Variants in PCM1 observed in about 807,000 individuals in gnomAD.
The protein encoded by PCM1 is pericentriolar material 1.
A neutral mutation model predicts 241.9 loss-of-function variants in PCM1; 157 were observed. The ratio of observed to expected loss-of-function variants is 0.65; its 90% CI spans 0.57 to 0.74. PCM1 has a LOEUF of 0.74. PCM1 is among the 30% of genes least tolerant of loss of function. PCM1 has a pLI of 0.00. For missense variants in PCM1, 3,478 were observed against 2,360.1 expected (o/e 1.47, Z -9.81); for synonymous variants, 1,085 against 784.9 (o/e 1.38, Z -6.39).
chr8:17,995,688 A>G (rs934735746), intron 29 of PCM1, among the ~76,000 whole-genome samples: 3 of 151,830 alleles, frequency 2.0e-5, no homozygotes, highest in Non-Finnish European at 2.9e-5. Context: ...TGATTTTTCC[A>G]ATCCATGAAC....
chr8:17,993,009 T>C (rs2085328539), intron 28 of PCM1, among the ~76,000 whole-genome samples: 1 of 150,946 alleles, frequency 6.6e-6, no homozygotes, highest in African/African-American at 2.4e-5. Flanking sequence ...GTCAGATGCG[T>C]AGTTTACAAA....
chr8:18,014,119 A>C, intron 35 of PCM1, 83 bp downstream of exon 35: 1 of 784,300 alleles, frequency 1.3e-6, no homozygotes. Context: ...AAACACACAC[A>C]GAAAACACTA....
chr8:17,956,500 A>T, intron 10 of PCM1, 104 bp from the exon 11 acceptor site: 1 of 678,460 alleles, frequency 1.5e-6, no homozygotes, highest in South Asian at 1.8e-5. Context: ...ATATTCCATT[A>T]GGTCTAAATT....
chr8:18,013,950 T>TTTTTCCCTTC lies in PCM1; in HGVS notation c.5512-12_5512-3dup. On this transcript the variant is annotated splice_polypyrimidine_tract_variant and intron_variant, in intron 34 of 38. Coordinates refer to ENST00000325083, the MANE Select transcript of PCM1 (RefSeq NM_006197.4). ...TATTTCAGGCCCTGCTATTAAAACATTTTTCCCTTCTAGGTCCTACAACGT... is the reference window on the plus strand; with the variant it reads ...TATTTCAGGCCCTGCTATTAAAACATTTTTCCCTTCTTTTCCCTTCTAGGTCCTACAACGT... 1 of 1,558,394 alleles carries TTTTTCCCTTC rather than the reference T, an allele frequency of 6.4e-7. No individual in the cohort carries two copies. Among genetic ancestry groups the TTTTTCCCTTC allele is most frequent in the Non-Finnish European group, 8.8e-7 (1 of 1,140,830 alleles).
At chr8:18,012,945 T>A (rs536727792) in intron 34 of PCM1, among the ~76,000 whole-genome samples, 64 of 152,194 alleles carry the variant, frequency 4.2e-4, no homozygotes, top group Admixed American at 6.5e-4. Flanking sequence ...ACAGAAGCAT[T>A]ACCTTCCGTT....
At chr8:17,952,334 A>T (rs2066384482) in intron 8 of PCM1, among the ~76,000 whole-genome samples, 1 of 152,204 alleles carries the variant, frequency 6.6e-6, no homozygotes, top group African/African-American at 2.4e-5. Context: ...TAGTTCTAGA[A>T]AGAAGGCAAG....
intron 10 of PCM1, 120 bp downstream of exon 10, chr8:17,955,773 A>C: frequency 1.3e-6 from 1 of 795,304 alleles, no homozygotes; most frequent in Non-Finnish European, 2.1e-6. Context: ...AAACATTCTT[A>C]AGGGATAGGT....
chr8:18,027,439 G>T (rs2094316567), intron 38 of PCM1, among the ~76,000 whole-genome samples, 198 bp from the exon 39 acceptor site: 1 of 152,174 alleles, frequency 6.6e-6, no homozygotes, highest in South Asian at 2.1e-4. Flanking sequence ...TATCTGCTCA[G>T]TCTGCCTTGT....
In PCM1 at chr8:17,989,900, A is replaced by C; in HGVS notation, c.4452A>C (p.Ile1484=). The part of the protein sequence containing the change: ...EKNFERETHK[I]SEQNDADNAS... ...ACTTTGAAAGAGAAACCCATAAAAT[A>C]AGTGAGCAAAATGATGCTGATAATG... The change falls in exon 27 of 39, where the codon ATA becomes ATC. Residue 1484 remains isoleucine (I), a synonymous_variant. Coordinates refer to ENST00000325083, the MANE Select transcript of PCM1 (RefSeq NM_006197.4). 6.5e-7 allele frequency: 1 copy of C among 1,546,882 alleles called. No individual in the cohort carries two copies. Among genetic ancestry groups the C allele is most frequent in the Admixed American group, 2.0e-5 (1 of 50,844 alleles).
intron 35 of PCM1, 85 bp from the exon 36 acceptor site, chr8:18,014,499 T>C: frequency 9.6e-7 from 1 of 1,039,486 alleles, no homozygotes; most frequent in Non-Finnish European, 1.3e-6. Context: ...TTGCTCTTAT[T>C]CAGGCGTATT....
At position 17,966,037 on chromosome 8, in the gene PCM1, A is replaced by T. The variant is rs550654788; in HGVS notation, c.2894A>T (p.Tyr965Phe). The T allele has an allele frequency of 6.2e-7, 1 of 1,612,450 alleles. No individual in the cohort carries two copies. The highest frequency in any genetic ancestry group is 1.3e-5 in the African/African-American group (1 of 75,018). Residue 965 changes from tyrosine to phenylalanine, a missense_variant, in exon 19 of 39, where the codon TAT (tyrosine) becomes TTT (phenylalanine). Transcript: ENST00000325083. ...NNCPFSADEN[Y>F]RPLAKTRQQN... ...TGCCCTTTTTCGGCAGATGAAAATT[A>T]TCGTCCTTTAGCCAAGACAAGGCAA... is the stretch of plus-strand genomic sequence containing the variant.
rs372880356 is a variant in PCM1, at chr8:17,952,954, G to GT, written c.1072-7dup. 4.3e-3 allele frequency: 6,037 copies of GT among 1,419,420 alleles called. 46 individuals are homozygous for GT. Among genetic ancestry groups the GT allele is most frequent in the African/African-American group, 0.034 (2,380 of 69,090 alleles). 87.9% of individuals were successfully genotyped at this position (1,419,420 alleles called of 1,614,324 possible). The stretch of plus-strand genomic sequence containing the variant: ...TTAGTCTTAATTCTTCTTTTTTGTT[G>GT]TTTTTTTTTAATAAGCCTCCAGCTG... On this transcript the variant is annotated splice_polypyrimidine_tract_variant and intron_variant, in intron 8 of 38. Coordinates refer to ENST00000325083, the MANE Select transcript of PCM1 (RefSeq NM_006197.4).
chr8:17,949,922 T>G (rs778109146), intron 7 of PCM1, among the ~76,000 whole-genome samples: 2 of 152,216 alleles, frequency 1.3e-5, no homozygotes, highest in Non-Finnish European at 2.9e-5. Flanking sequence ...GGGGCATTTT[T>G]TTTAAATTAA....
chr8:17,948,096 T>C (rs1467505211), intron 7 of PCM1, among the ~76,000 whole-genome samples: 1 of 152,130 alleles, frequency 6.6e-6, no homozygotes, highest in Non-Finnish European at 1.5e-5. Context: ...TATCCCCCAC[T>C]GTCTGCTTTT....
rs142332694 is a variant in PCM1 at position 17,975,453 on chromosome 8, G to T, written c.3943+2766G>T. The stretch of plus-strand genomic sequence containing the variant: ...GGTGGGATTACAGGTGTGAGCCACA[G>T]CGCCCGACCAATTTTTATTATATCT... On this transcript the variant is annotated intron_variant, in intron 23 of 38. Transcript: ENST00000325083. Among the ~76,000 whole-genome samples the T allele has an allele frequency of 5.3e-3, 810 of 152,254 alleles. 4 individuals carry two copies. Among genetic ancestry groups the T allele is most frequent in the African/African-American group, 0.018 (765 of 41,550 alleles).
chr8:18,014,581 C>T lies in PCM1; in HGVS notation c.5585-3C>T. 1.3e-6 allele frequency: 2 copies of T among 1,594,160 alleles called. No individual in the cohort carries two copies. Among genetic ancestry groups the T allele is most frequent in the East Asian group, 2.2e-5 (1 of 44,610 alleles). The stretch of plus-strand genomic sequence containing the variant: ...TAATGTTAAGACTTTCTTTTGATGA[C>T]AGATGACCAAAATAACTGTCCTGTG... On this transcript the variant is annotated splice_polypyrimidine_tract_variant and splice_region_variant and intron_variant, in intron 35 of 38. Transcript: ENST00000325083.
intron 9 of PCM1, 143 bp downstream of exon 9, chr8:17,953,329 C>T (rs1466772795): frequency 6.6e-6 from 3 of 451,468 alleles, no homozygotes; most frequent in Non-Finnish European, 1.1e-5. Context: ...TGAAAAGTTT[C>T]TAAGTTGCAA....
intron 3 of PCM1, among the ~76,000 whole-genome samples, chr8:17,936,726 C>G (rs2060540492): frequency 1.3e-5 from 2 of 152,048 alleles, no homozygotes; most frequent in African/African-American, 4.8e-5. Context: ...GGTTTAGAAC[C>G]TAGGTTGATT....
intron 34 of PCM1, among the ~76,000 whole-genome samples, chr8:18,013,557 C>T (rs1380056204): frequency 1.3e-5 from 2 of 152,176 alleles, no homozygotes; most frequent in Non-Finnish European, 2.9e-5. Flanking sequence ...TCATGTCTTC[C>T]TTTCTAGATC....
Sources: gnomAD v4.1 joint callset for allele counts (sites outside exome capture counted in the v4.1 genomes callset) on GRCh38, gnomAD v4.1.1 for gene constraint, MANE v1.5 for transcripts, NCBI Gene and HGNC (gene_info 2026-07-23, HGNC 2026-07-21) for gene names.